The following CCSER1 variants were observed in gnomAD, a reference collection of about 807,000 sequenced individuals.
CCSER1 encodes coiled-coil serine rich protein 1.
Under a neutral mutation model 82.0 loss-of-function variants are expected in CCSER1, and 41 were observed. That is an observed-to-expected ratio of 0.50 (90% CI 0.39 to 0.65). The LOEUF (loss-of-function observed/expected upper bound fraction) is 0.65, where lower values mean the gene tolerates loss of function less well. Ranked by LOEUF, CCSER1 falls within the 30% of genes least tolerant of loss-of-function variation. CCSER1 has a pLI of 0.00. For missense variants in CCSER1, 1,119 were observed against 1,064.2 expected, an observed-to-expected ratio of 1.05 and a Z score of -0.72; for synonymous variants, 414 against 383.9, an observed-to-expected ratio of 1.08 and a Z score of -0.92.
intron 8 of CCSER1, among the ~76,000 whole-genome samples, chr4:90,916,493 C>A (rs1025734667): frequency 3.3e-5 from 5 of 152,090 alleles, no homozygotes; most frequent in Admixed American, 1.3e-4. Context: ...CCCTTCCTTA[C>A]ACCTTATACA....
At chr4:90,661,929 C>T (rs1730870830) in intron 6 of CCSER1, among the ~76,000 whole-genome samples, 2 of 150,804 alleles carry the variant, frequency 1.3e-5, no homozygotes, top group Non-Finnish European at 2.9e-5. Flanking sequence ...TATTTTAGGT[C>T]TGCTGTGTGA....
At chr4:91,533,378 T>A (rs1331380846) in intron 10 of CCSER1, among the ~76,000 whole-genome samples, 1 of 152,170 alleles carries the variant, frequency 6.6e-6, no homozygotes, top group African/African-American at 2.4e-5. Flanking sequence ...CATATATATT[T>A]TGGAAGGAGC....
chr4:91,098,831 G>A (rs1352227656), intron 10 of CCSER1, among the ~76,000 whole-genome samples: 5 of 151,928 alleles, frequency 3.3e-5, no homozygotes, highest in East Asian at 2.0e-4. Context: ...GTGAGCCACC[G>A]CGCCCAGCTG....
intron 9 of CCSER1, among the ~76,000 whole-genome samples, chr4:90,943,606 A>C (rs1452302068): frequency 6.6e-6 from 1 of 152,042 alleles, no homozygotes; most frequent in Non-Finnish European, 1.5e-5. Context: ...TCTATCACCC[A>C]GGCTGGAGTG....
intron 1 of CCSER1, among the ~76,000 whole-genome samples, chr4:90,144,561 A>C (rs1210297518): frequency 6.6e-6 from 1 of 152,204 alleles, no homozygotes; most frequent in Admixed American, 6.5e-5. Context: ...CTGTTTAAGC[A>C]GTGAGGGAAA....
chr4:90,464,852 T>C (rs1763410134), intron 4 of CCSER1, among the ~76,000 whole-genome samples: 1 of 152,242 alleles, frequency 6.6e-6, no homozygotes, highest in Admixed American at 6.5e-5. Flanking sequence ...GTGAATAAAA[T>C]TTTTTATGCA....
intron 10 of CCSER1, among the ~76,000 whole-genome samples, chr4:91,260,980 G>C (rs1263509589): frequency 1.3e-5 from 2 of 152,042 alleles, no homozygotes; most frequent in Non-Finnish European, 2.9e-5. Flanking sequence ...AGCCATGATG[G>C]TCTCGATCTC....
chr4:91,486,784 T>C (rs1277189458), intron 10 of CCSER1, among the ~76,000 whole-genome samples: 1 of 152,060 alleles, frequency 6.6e-6, no homozygotes, highest in Non-Finnish European at 1.5e-5. Context: ...GATTTTGGTA[T>C]GGGATGGGGG....
At position 91,435,854 on chromosome 4, in the gene CCSER1, C is replaced by T. The variant is rs1019899003; in HGVS notation, c.2218-162718C>T. On this transcript the variant is annotated intron_variant, in intron 10 of 10. Coordinates refer to ENST00000509176, the MANE Select transcript of CCSER1 (RefSeq NM_001145065.2). Reference sequence around the variant, plus strand: ...AGCCTATAATTTGCTTTTTGTCTTACTTTCATTTGAATCAAACCACTATGT... The same window carrying T: ...AGCCTATAATTTGCTTTTTGTCTTATTTTCATTTGAATCAAACCACTATGT... Among the ~76,000 whole-genome samples the T allele has an allele frequency of 4.6e-5, 7 of 152,134 alleles. No individual in the cohort carries two copies. In the South Asian group the frequency reaches 1.4e-3, roughly 31 times the overall value.
intron 3 of CCSER1, among the ~76,000 whole-genome samples, chr4:90,344,739 T>A (rs1210174122): frequency 1.3e-5 from 2 of 152,112 alleles, no homozygotes; most frequent in African/African-American, 4.8e-5. Context: ...TCTGCCCTCA[T>A]GCCAGGTATA....
intron 9 of CCSER1, among the ~76,000 whole-genome samples, chr4:91,058,919 A>AAG (rs1743688795): frequency 6.6e-6 from 1 of 152,128 alleles, no homozygotes; most frequent in Middle Eastern, 3.4e-3. Context: ...ATTTGCACTG[A>AAG]AGACTTTAGA....
intron 6 of CCSER1, among the ~76,000 whole-genome samples, chr4:90,636,430 A>G (rs1725430023): frequency 6.6e-6 from 1 of 152,052 alleles, no homozygotes; most frequent in Non-Finnish European, 1.5e-5. Flanking sequence ...CCTTATAGGA[A>G]AAAGGAAATT....
chr4:90,232,794 C>T (rs1447845461), intron 1 of CCSER1, among the ~76,000 whole-genome samples: 2 of 150,540 alleles, frequency 1.3e-5, no homozygotes, highest in Non-Finnish European at 3.0e-5. Flanking sequence ...ACAAACAACC[C>T]CATCAAAAAG....
chr4:91,535,698 A>AAC (rs964581765), intron 10 of CCSER1, among the ~76,000 whole-genome samples: 1 of 150,486 alleles, frequency 6.6e-6, no homozygotes, highest in Non-Finnish European at 1.5e-5. Context: ...AAACAGTGAA[A>AAC]ACATGTGATA....
chr4:90,378,824 A>G (rs1748764062), intron 3 of CCSER1, among the ~76,000 whole-genome samples: 1 of 152,176 alleles, frequency 6.6e-6, no homozygotes, highest in African/African-American at 2.4e-5. Flanking sequence ...TGAGACATGA[A>G]TTCTTCTCCC....
At chr4:90,139,152 C>A (rs1002641262) in intron 1 of CCSER1, among the ~76,000 whole-genome samples, 1 of 152,062 alleles carries the variant, frequency 6.6e-6, no homozygotes, top group East Asian at 1.9e-4. Flanking sequence ...ACATCATTGC[C>A]CTAAGTTTCC....
At chr4:90,696,752 G>A (rs1737060461) in intron 6 of CCSER1, among the ~76,000 whole-genome samples, 5 of 152,146 alleles carry the variant, frequency 3.3e-5, no homozygotes, top group Admixed American at 2.0e-4. Context: ...TTAAGAGTGG[G>A]TTCTATTACT....
At chr4:91,063,264 C>T (rs1744106560) in intron 9 of CCSER1, among the ~76,000 whole-genome samples, 1 of 152,066 alleles carries the variant, frequency 6.6e-6, no homozygotes, top group Admixed American at 6.6e-5. Flanking sequence ...GGTTTCATTG[C>T]CTCATCTATA....
chr4:90,751,653 A>G (rs1438249417), intron 7 of CCSER1, among the ~76,000 whole-genome samples: 1 of 152,036 alleles, frequency 6.6e-6, no homozygotes, highest in Non-Finnish European at 1.5e-5. Context: ...ATTATTTTCT[A>G]TTGTTTGCTT....
Sources: allele counts gnomAD v4.1 joint callset (sites outside exome capture counted in the v4.1 genomes callset), GRCh38; gene constraint gnomAD v4.1.1; transcripts MANE v1.5; gene names NCBI Gene and HGNC (gene_info 2026-07-23, HGNC 2026-07-21).